The following EHMT1 variants were observed in gnomAD, a reference collection of about 807,000 sequenced individuals.
The protein encoded by EHMT1 is histone-lysine N-methyltransferase EHMT1.
EHMT1 carries 15 observed loss-of-function variants against 147.2 expected under a neutral mutation model. The observed-to-expected ratio is 0.10, with a 90% CI of 0.07 to 0.16. The LOEUF (loss-of-function observed/expected upper bound fraction) is 0.16, where lower values mean the gene tolerates loss of function less well. Ranked by LOEUF, EHMT1 falls within the 10% of genes least tolerant of loss-of-function variation. The pLI is 1.00. For synonymous variants in EHMT1, 795 were observed against 709.6 expected (o/e 1.12, Z -1.91); for missense variants, 1,587 against 1,772.4 (o/e 0.90, Z 1.88).
intron 1 of EHMT1, among the ~76,000 whole-genome samples, chr9:137,665,439 C>G (rs903986384): frequency 2.0e-5 from 3 of 152,132 alleles, no homozygotes; most frequent in Admixed American, 2.0e-4. Context: ...TGCCCTGAGA[C>G]CCAGCCCTGG....
At chr9:137,832,390 C>T (rs1956266348) in intron 25 of EHMT1, among the ~76,000 whole-genome samples, 1 of 151,322 alleles carries the variant, frequency 6.6e-6, no homozygotes, top group Non-Finnish European at 1.5e-5. Flanking sequence ...GCTGGGCTCC[C>T]TCCACAGGCC....
chr9:137,707,062 T>G (rs1447587868), intron 1 of EHMT1, among the ~76,000 whole-genome samples: 1 of 152,234 alleles, frequency 6.6e-6, no homozygotes, highest in African/African-American at 2.4e-5. Context: ...TGACCTCAGG[T>G]GATCCACTCA....
rs746988067 is a variant in EHMT1 at position 137,795,419 on chromosome 9, ACACACACACTCT to A, written c.2506-3388_2506-3377del. 0.019 allele frequency among the ~76,000 whole-genome samples: 347 copies of A among 18,580 alleles called. 4 individuals are homozygous for A. The East Asian group carries it at 0.34, about 18-fold the overall frequency. The allele number at this position is 18,580 out of a possible 152,430, so 12.2% of individuals were successfully genotyped here. ...GCAGGGTGCACACACACACACACAC[ACACACACACTCT>A]CACACTCACATACACACACAGACAC... On this transcript the variant is annotated intron_variant, in intron 16 of 26. Transcript: ENST00000460843.
intron 14 of EHMT1, among the ~76,000 whole-genome samples, chr9:137,781,419 A>G (rs866391532): frequency 1.6e-3 from 211 of 135,014 alleles, no homozygotes; most frequent in African/African-American, 2.4e-3. Flanking sequence ...GATGATGCTG[A>G]GATGTGTGGT....
intron 1 of EHMT1, among the ~76,000 whole-genome samples, chr9:137,633,823 AT>A (rs4030112): frequency 0.083 from 11,402 of 137,472 alleles, 1,111 homozygotes; most frequent in African/African-American, 0.27. Context: ...TCACTTTCTA[AT>A]TTTTTTTTTT....
At chr9:137,674,089 C>T (rs10867050) in intron 1 of EHMT1, among the ~76,000 whole-genome samples, 27,685 of 152,086 alleles carry the variant, frequency 0.18, 2,758 homozygotes, top group Admixed American at 0.31. Flanking sequence ...GGCAGTGGGG[C>T]GATCCAGGGT....
intron 15 of EHMT1, among the ~76,000 whole-genome samples, chr9:137,790,097 CA>C (rs2137090949): frequency 6.6e-6 from 1 of 152,212 alleles, no homozygotes; most frequent in East Asian, 1.9e-4. Flanking sequence ...GCTGTTTAAA[CA>C]TTCCTTATTT....
intron 1 of EHMT1, among the ~76,000 whole-genome samples, chr9:137,638,807 G>C (rs1203690215): frequency 6.6e-6 from 1 of 152,134 alleles, no homozygotes; most frequent in Non-Finnish European, 1.5e-5. Flanking sequence ...CGGACACACA[G>C]GGAGAAGTGG....
Position 137,758,030 on chromosome 9 carries a change from CTT to C in EHMT1, c.1501+20_1501+21del. ...GCAGAAGGTGAATGTGGTGGTGTAA[CTT>C]AGACCGGGCACCATCTTGGTCCTTT... is the stretch of plus-strand genomic sequence containing the variant. On this transcript the variant is annotated intron_variant, in intron 9 of 26. Transcript: ENST00000460843. 2 of 1,614,006 alleles carry C rather than the reference CTT, an allele frequency of 1.2e-6. No homozygotes were observed. Among genetic ancestry groups the C allele is most frequent in the Non-Finnish European group, 1.7e-6 (2 of 1,179,966 alleles).
At chr9:137,765,013 T>G (rs1260213354) in intron 10 of EHMT1, among the ~76,000 whole-genome samples, 1 of 152,254 alleles carries the variant, frequency 6.6e-6, no homozygotes, top group East Asian at 1.9e-4. Flanking sequence ...CTGGCGAGAA[T>G]GCTGTGGAGG....
chr9:137,817,379 A>G (rs769910183), intron 23 of EHMT1, 60 bp from the exon 24 acceptor site: 3 of 1,599,492 alleles, frequency 1.9e-6, no homozygotes, highest in Non-Finnish European at 2.6e-6. Flanking sequence ...GCTTTTGCTG[A>G]CCATTGTGGC....
intron 18 of EHMT1, among the ~76,000 whole-genome samples, chr9:137,805,005 T>C (rs892315142): frequency 6.6e-6 from 1 of 151,686 alleles, no homozygotes; most frequent in Non-Finnish European, 1.5e-5. Context: ...CATGTGTCAG[T>C]TGTCCATGTG....
Position 137,754,160 on chromosome 9 carries a change from TG to T in EHMT1, c.1249-9del. On this transcript the variant is annotated splice_polypyrimidine_tract_variant and intron_variant, in intron 7 of 26. Coordinates refer to ENST00000460843, the MANE Select transcript of EHMT1 (RefSeq NM_024757.5). ...TTAGTGGTTTATATGCCTGCCCGTTTGGTTCTCCAGAGTTCGGAATCCAGCA... is the reference window on the plus strand; with the variant it reads ...TTAGTGGTTTATATGCCTGCCCGTTTGTTCTCCAGAGTTCGGAATCCAGCA... 1 of 1,614,126 alleles carries T rather than the reference TG, an allele frequency of 6.2e-7. No homozygotes were observed.
intron 25 of EHMT1, among the ~76,000 whole-genome samples, chr9:137,823,774 T>C (rs1271911424): frequency 6.6e-6 from 1 of 151,650 alleles, no homozygotes. Context: ...GCCAGGCTGG[T>C]CTCGAACTCC....
intron 19 of EHMT1, among the ~76,000 whole-genome samples, chr9:137,812,508 C>T (rs781094737): frequency 2.6e-5 from 4 of 152,256 alleles, no homozygotes; most frequent in Non-Finnish European, 4.4e-5. Context: ...GGCCCCTACA[C>T]ATGGGGCTGT....
chr9:137,801,960 G>A (rs1050416581), intron 18 of EHMT1, among the ~76,000 whole-genome samples: 2 of 140,658 alleles, frequency 1.4e-5, no homozygotes, highest in African/African-American at 6.6e-5. Flanking sequence ...GGAAAGAAAA[G>A]TGAACATTAT....
At chr9:137,752,822 C>T (rs1038285261) in intron 7 of EHMT1, among the ~76,000 whole-genome samples, 1 of 150,040 alleles carries the variant, frequency 6.7e-6, no homozygotes, top group Admixed American at 6.6e-5. Flanking sequence ...TGGCGGGAGC[C>T]GGCAGCAAGG....
chr9:137,679,475 A>T (rs1941728350), intron 1 of EHMT1, among the ~76,000 whole-genome samples: 2 of 152,070 alleles, frequency 1.3e-5, no homozygotes, highest in Admixed American at 6.6e-5. Context: ...GGGGTTACTG[A>T]TGTGGAGTTC....
Position 137,810,792 on chromosome 9 carries a change from C to T in EHMT1, c.2713-669C>T, listed in dbSNP as rs1002832774. ...CGGCTCACTGTAACCCTCTGCCTCC[C>T]GGGTTCAAGCAATTCTCCTGCCTCA... On this transcript the variant is annotated intron_variant, in intron 18 of 26. Coordinates refer to ENST00000460843, the MANE Select transcript of EHMT1 (RefSeq NM_024757.5). Among the ~76,000 whole-genome samples, 6 of 152,048 alleles carry T rather than the reference C, an allele frequency of 3.9e-5. No individual in the cohort carries two copies. In the East Asian group the frequency reaches 5.8e-4, roughly 15 times the overall value.
Sources: gnomAD v4.1 joint callset for allele counts (sites outside exome capture counted in the v4.1 genomes callset) on GRCh38, gnomAD v4.1.1 for gene constraint, MANE v1.5 for transcripts, NCBI Gene and HGNC (gene_info 2026-07-23, HGNC 2026-07-21) for gene names.